The following MYLK variants were observed in gnomAD, a reference collection of about 807,000 sequenced individuals.
MYLK encodes the protein myosin light chain kinase, smooth muscle.
In MYLK, 106 loss-of-function variants were observed where a neutral mutation model predicts 203.4. The observed-to-expected ratio is 0.52, with a 90% CI of 0.45 to 0.61. The LOEUF is 0.61. Ranked by LOEUF, MYLK falls within the 20% of genes least tolerant of loss-of-function variation. The pLI is 0.00. For synonymous variants in MYLK, 867 were observed against 959.5 expected (o/e 0.90, Z 1.78); for missense variants, 2,072 against 2,442.3 (o/e 0.85, Z 3.20).
intron 19 of MYLK, among the ~76,000 whole-genome samples, chr3:123,684,952 A>G (rs1362443401): frequency 6.6e-6 from 1 of 152,248 alleles, no homozygotes; most frequent in Non-Finnish European, 1.5e-5. Flanking sequence ...AAGAAGGATC[A>G]GGTTTGCTTT....
intron 4 of MYLK, among the ~76,000 whole-genome samples, chr3:123,771,243 G>A (rs1360083295): frequency 6.6e-6 from 1 of 152,008 alleles, no homozygotes; most frequent in African/African-American, 2.4e-5. Flanking sequence ...AACTTTTCAG[G>A]TTTTCAACTT....
chr3:123,707,742 A>T lies in MYLK; in HGVS notation c.2390+12T>A. 6.2e-7 allele frequency: 1 copy of T among 1,614,154 alleles called. No homozygotes were observed. The highest frequency in any genetic ancestry group is 8.5e-7 in the Non-Finnish European group (1 of 1,180,050). ...AAGGGTTAAGGGAGGCTGGCTGGAC[A>T]TGCAGACTCACTTGAGCAGGATCTC... is the stretch of plus-strand genomic sequence containing the variant. On this transcript the variant is annotated intron_variant, in intron 16 of 33. Coordinates refer to ENST00000360304, the MANE Select transcript of MYLK (RefSeq NM_053025.4).
chr3:123,750,387 G>A (rs1293700139), intron 5 of MYLK, among the ~76,000 whole-genome samples: 1 of 152,144 alleles, frequency 6.6e-6, no homozygotes, highest in Non-Finnish European at 1.5e-5. Context: ...CCCCTGCCCT[G>A]AGTACCATGA....
At chr3:123,803,799 C>A (rs2065274762) in intron 3 of MYLK, among the ~76,000 whole-genome samples, 1 of 152,216 alleles carries the variant, frequency 6.6e-6, no homozygotes, top group Non-Finnish European at 1.5e-5. Context: ...GCGGCACAGG[C>A]TAGGAAGACT....
intron 27 of MYLK, among the ~76,000 whole-genome samples, chr3:123,646,583 G>T (rs1324032950): frequency 6.6e-6 from 1 of 152,238 alleles, no homozygotes. Context: ...GGTAAGGGAG[G>T]TGGAGGATTC....
At chr3:123,816,587 T>C (rs1353737667) in intron 3 of MYLK, among the ~76,000 whole-genome samples, 1 of 152,184 alleles carries the variant, frequency 6.6e-6, no homozygotes, top group East Asian at 1.9e-4. Flanking sequence ...CCAGAAAAGT[T>C]AATAACATAA....
chr3:123,785,844 T>C (rs76454837), intron 4 of MYLK, among the ~76,000 whole-genome samples: 200 of 152,340 alleles, frequency 1.3e-3, no homozygotes, highest in African/African-American at 4.8e-3. Flanking sequence ...GAATTTTCAA[T>C]TTTATTTAAT....
intron 2 of MYLK, among the ~76,000 whole-genome samples, chr3:123,844,028 T>C (rs1010647143): frequency 2.6e-5 from 4 of 152,190 alleles, no homozygotes; most frequent in Non-Finnish European, 5.9e-5. Flanking sequence ...ACAAATCTTC[T>C]AGGTTTATGC....
intron 4 of MYLK, among the ~76,000 whole-genome samples, chr3:123,753,173 C>T (rs966265073): frequency 6.6e-6 from 1 of 152,180 alleles, no homozygotes; most frequent in Non-Finnish European, 1.5e-5. Flanking sequence ...GTGTGCATTA[C>T]ACACTGGGTT....
rs530951493 is a variant in MYLK, at chr3:123,708,022, C to A, written c.2141-19G>T. ...TGAGGCTCTGGAAATTGGCAAAGGG[C>A]AGAGCTAAACAGGGATGTCCCTCAG... On this transcript the variant is annotated intron_variant, in intron 15 of 33. Transcript: ENST00000360304. 1.4e-5 allele frequency: 22 copies of A among 1,613,694 alleles called. No individual in the cohort carries two copies. In the Admixed American group the frequency reaches 2.3e-4, roughly 17 times the overall value.
At chr3:123,711,779 G>A (rs897615500) in intron 13 of MYLK, among the ~76,000 whole-genome samples, 2 of 152,228 alleles carry the variant, frequency 1.3e-5, no homozygotes, top group African/African-American at 4.8e-5. Context: ...AAGGGCCACA[G>A]GCATTTTGGG....
In MYLK at chr3:123,638,117, C is replaced by G. The variant is rs143900788; in HGVS notation, c.4915G>C (p.Gly1639Arg). 12 of 1,613,994 alleles carry G rather than the reference C, an allele frequency of 7.4e-6. No homozygotes were observed. The highest frequency in any genetic ancestry group is 1.0e-5 in the Non-Finnish European group (12 of 1,180,024). ...ATGCTCCACATGTCTGTGGCGTAGC[C>G]GATGGGCTCATAGTTGATCACTTCA... is the stretch of plus-strand genomic sequence containing the variant. ...APEVINYEPI[G>R]YATDMWSIGV... is the part of the protein sequence containing the mutation. The change falls in exon 29 of 34, where the codon GGC becomes CGC. Residue 1639 changes from glycine to arginine, a missense_variant. Gly to Arg is a moderately radical substitution (Grantham distance 125). Around this residue, in one of 3 missense-constraint regions of MYLK, gnomAD observed 524 missense variants for 782.4 expected, o/e 0.67. Transcript: ENST00000360304.
At chr3:123,819,076 G>C (rs933634002) in intron 3 of MYLK, among the ~76,000 whole-genome samples, 2 of 152,162 alleles carry the variant, frequency 1.3e-5, no homozygotes, top group Non-Finnish European at 2.9e-5. Context: ...TCAGTGCTTG[G>C]TGCATGACAA....
intron 5 of MYLK, among the ~76,000 whole-genome samples, chr3:123,744,017 G>A (rs2062940261): frequency 1.3e-5 from 2 of 152,126 alleles, no homozygotes. Context: ...AGTGTTTTTT[G>A]AGGATTACTT....
rs893238723 is a variant in MYLK at position 123,793,392 on chromosome 3, T to C, written c.165+285A>G. Among the ~76,000 whole-genome samples, 19 of 152,304 alleles carry C rather than the reference T, an allele frequency of 1.2e-4. 1 individual carries two copies. In the East Asian group the frequency reaches 1.7e-3, roughly 14 times the overall value. On this transcript the variant is annotated intron_variant, in intron 4 of 33. Transcript: ENST00000360304. ...CTGCCACCGGACCGCGTCTTCTTTT[T>C]CTGTAATTATATAGCATGTACCCAG... is the stretch of plus-strand genomic sequence containing the variant.
At chr3:123,719,490 G>A (rs1400861064) in intron 13 of MYLK, among the ~76,000 whole-genome samples, 1 of 152,214 alleles carries the variant, frequency 6.6e-6, no homozygotes, top group African/African-American at 2.4e-5. Context: ...GGCTCTGCTG[G>A]ACAATCATAA....
At chr3:123,638,423 CAGGGGGAGAAG>C (rs1487245741) in intron 28 of MYLK, among the ~76,000 whole-genome samples, 15 of 152,124 alleles carry the variant, frequency 9.9e-5, no homozygotes, top group Admixed American at 9.2e-4. Context: ...GCAGGGTGGG[CAGGGGGAGAAG>C]AGGCCGCTAA....
Position 123,728,087 on chromosome 3 carries a change from C to T in MYLK, c.1517-2009G>A, listed in dbSNP as rs146900842. On this transcript the variant is annotated intron_variant, in intron 11 of 33. Coordinates refer to ENST00000360304, the MANE Select transcript of MYLK (RefSeq NM_053025.4). ...AGGATGTGGAATGGCAAAGTAAAGA[C>T]CTCTGAAGATCTACTCCTCCATAAA... Among the ~76,000 whole-genome samples the T allele has an allele frequency of 1.1e-3, 163 of 152,202 alleles. 1 individual carries two copies. Among genetic ancestry groups the T allele is most frequent in the Non-Finnish European group, 1.4e-3 (95 of 68,010 alleles).
intron 4 of MYLK, among the ~76,000 whole-genome samples, chr3:123,791,681 A>T (rs1327133481): frequency 6.6e-6 from 1 of 152,256 alleles, no homozygotes; most frequent in African/African-American, 2.4e-5. Flanking sequence ...GAACACATGC[A>T]TTTTGACATA....
Sources: gnomAD v4.1 joint callset for allele counts (sites outside exome capture counted in the v4.1 genomes callset) on GRCh38, gnomAD v4.1.1 for gene constraint, gnomAD v4.1.1 regional missense constraint, MANE v1.5 for transcripts, NCBI Gene and HGNC (gene_info 2026-07-23, HGNC 2026-07-21) for gene names.